NKD1: variants seen among roughly 807,000 people sequenced by gnomAD.
NKD1 encodes the protein protein naked cuticle homolog 1.
NKD1 carries 21 observed loss-of-function variants against 56.0 expected under a neutral mutation model. The ratio of observed to expected loss-of-function variants is 0.38; its 90% confidence interval spans 0.27 to 0.54. The LOEUF is 0.54. Among genes scored for constraint, NKD1 ranks in the 20% least tolerant of loss-of-function variants. The probability of loss-of-function intolerance (pLI) is 0.82; values close to 1 mark genes in which losing one functional copy is unlikely to be tolerated. For missense variants in NKD1, 578 were observed against 642.7 expected, an observed-to-expected ratio of 0.90 and a Z score of 1.09; for synonymous variants, 263 against 265.7, an observed-to-expected ratio of 0.99 and a Z score of 0.10.
intron 3 of NKD1, 25 bp from the exon 4 acceptor site, chr16:50,608,269 A>T (rs777526706): frequency 1.3e-6 from 2 of 1,582,294 alleles, no homozygotes; most frequent in Non-Finnish European, 1.7e-6. Context: ...CCCCTGCTCA[A>T]TGCCTCTGCT....
At chr16:50,608,595 T>C in intron 4 of NKD1, 1 of 581,146 alleles carries the variant, frequency 1.7e-6, no homozygotes, top group Non-Finnish European at 3.1e-6. Context: ...GTCCATGTCC[T>C]GGCCCTGCAC....
rs541858929 is a variant in NKD1 at position 50,574,839 on chromosome 16, C to G, written c.192+25284C>G. 3.9e-5 allele frequency: 38 copies of G among 985,382 alleles called. No homozygotes were observed. In the African/African-American group the frequency reaches 5.2e-4, roughly 14 times the overall value. The allele number at this position is 985,382 out of a possible 1,614,324, so 61.0% of individuals were successfully genotyped here. On this transcript the variant is annotated intron_variant, in intron 3 of 9. Coordinates refer to ENST00000268459, the MANE Select transcript of NKD1 (RefSeq NM_033119.5). ...AACAGTAAAACCAAATACATGAAAC[C>G]AAGCTGTTTCTATGTGGGGGCCATG...
chr16:50,619,940 C>G (rs1479056157), intron 4 of NKD1, among the ~76,000 whole-genome samples: 2 of 152,234 alleles, frequency 1.3e-5, no homozygotes, highest in Non-Finnish European at 2.9e-5. Context: ...GAGGGGCAGC[C>G]TAGTGGACTG....
chr16:50,630,593 A>G (rs1243718907), intron 7 of NKD1, among the ~76,000 whole-genome samples: 1 of 151,850 alleles, frequency 6.6e-6, no homozygotes, highest in East Asian at 1.9e-4. Flanking sequence ...TGGCGTCTGC[A>G]AGCCTTGAGG....
rs1793929113 is a variant in NKD1, at chr16:50,621,497, T to C, written c.260-105T>C. 6 of 742,574 alleles carry C rather than the reference T, an allele frequency of 8.1e-6. No individual in the cohort carries two copies. In the South Asian group the frequency reaches 1.1e-4, roughly 13 times the overall value. The allele number at this position is 742,574 out of a possible 1,614,324, so 46.0% of individuals were successfully genotyped here. A position where few individuals can be genotyped will look rare whatever the true frequency, so the allele number is the denominator to read the frequency against. ...CAGGGCAGGAGCGGGCCCAGCCCCC[T>C]GGCGAGAATGTCCAGGCCAGGCATG... On this transcript the variant is annotated intron_variant, in intron 4 of 9. Transcript: ENST00000268459.
In NKD1 at chr16:50,598,985, G is replaced by C. The variant is rs1596731619; in HGVS notation, c.193-9309G>C. 6.6e-6 allele frequency among the ~76,000 whole-genome samples: 1 copy of C among 152,142 alleles called. No homozygotes were observed. Among genetic ancestry groups the C allele is most frequent in the East Asian group, 1.9e-4 (1 of 5,150 alleles). On this transcript the variant is annotated intron_variant, in intron 3 of 9. Transcript: ENST00000268459. This position sits in a 1 kb window ranked among gnomAD's most constrained non-coding sequence, Gnocchi z 4.2. ...GGTGGGCAGTGGCTTAGAGAGGTCAGTGGTGGGTGGGAAGGCCGTGTGTGT... is the reference window on the plus strand; with the variant it reads ...GGTGGGCAGTGGCTTAGAGAGGTCACTGGTGGGTGGGAAGGCCGTGTGTGT...
At position 50,641,371 on chromosome 16, in the gene NKD1, G is replaced by A. The variant is rs1418880861; in HGVS notation, c.*7590G>A. 1 of 152,304 alleles carries A rather than the reference G, an allele frequency of 6.6e-6. No individual in the cohort carries two copies. Among genetic ancestry groups the A allele is most frequent in the Non-Finnish European group, 1.5e-5 (1 of 68,094 alleles). 9.4% of individuals were successfully genotyped at this position (152,304 alleles called of 1,614,324 possible). On this transcript the variant is annotated 3_prime_UTR_variant, in exon 10 of 10. Coordinates refer to ENST00000268459, the MANE Select transcript of NKD1 (RefSeq NM_033119.5). ...CCCTGCCCACTCTAAGCCTCCAGAAGTCAATCCTCTGCTCACCGGGACCGT... is the reference window on the plus strand; with the variant it reads ...CCCTGCCCACTCTAAGCCTCCAGAAATCAATCCTCTGCTCACCGGGACCGT...
At chr16:50,573,824 G>C (rs755296860) in intron 3 of NKD1, 36 of 985,278 alleles carry the variant, frequency 3.7e-5, no homozygotes, top group Non-Finnish European at 4.3e-5. Flanking sequence ...TCACGGAAAC[G>C]GGTTGGGCTG....
At chr16:50,585,455 C>T (rs909781969) in intron 3 of NKD1, among the ~76,000 whole-genome samples, 12 of 152,224 alleles carry the variant, frequency 7.9e-5, no homozygotes, top group South Asian at 4.1e-4. Context: ...CTGCTTTGGA[C>T]GTGCATCCTG....
intron 3 of NKD1, among the ~76,000 whole-genome samples, chr16:50,558,908 T>TCAAACAAACAAACAAA (rs3037656): frequency 1.3e-5 from 2 of 151,270 alleles, no homozygotes; most frequent in East Asian, 1.9e-4. Context: ...AAACTCTGTC[T>TCAAACAAACAAACAAA]CAAACAAACA....
At chr16:50,575,152 A>G in intron 3 of NKD1, 2 of 982,658 alleles carry the variant, frequency 2.0e-6, no homozygotes, top group Non-Finnish European at 2.4e-6. Context: ...TAGATTCTCT[A>G]CTGCCCTCCC....
intron 3 of NKD1, chr16:50,570,757 G>A: frequency 1.1e-6 from 1 of 952,052 alleles, no homozygotes; most frequent in African/African-American, 1.8e-5. Context: ...AACGGGGTAG[G>A]ACTTCCACTC....
At chr16:50,562,247 A>C (rs1469192871) in intron 3 of NKD1, 71 of 963,730 alleles carry the variant, frequency 7.4e-5, no homozygotes, top group Non-Finnish European at 8.3e-5. Flanking sequence ...ACTGCAAAAC[A>C]TTCATAGGCC....
rs5816707 is a variant in NKD1, at chr16:50,598,229, C to CTGTGTGTGTGTGTGTGTGTGTGTG, written c.193-10054_193-10031dup. 6.9e-6 allele frequency among the ~76,000 whole-genome samples: 1 copy of CTGTGTGTGTGTGTGTGTGTGTGTG among 143,958 alleles called. No homozygotes were observed. Among genetic ancestry groups the CTGTGTGTGTGTGTGTGTGTGTGTG allele is most frequent in the African/African-American group, 2.6e-5 (1 of 37,954 alleles). 94.4% of individuals were successfully genotyped at this position (143,958 alleles called of 152,430 possible). On this transcript the variant is annotated intron_variant, in intron 3 of 9. Coordinates refer to ENST00000268459, the MANE Select transcript of NKD1 (RefSeq NM_033119.5). This position sits in a 1 kb window ranked among gnomAD's most constrained non-coding sequence, Gnocchi z 4.2. ...CACTGCAGGGCCGCATGGGTGGACT[C>CTGTGTGTGTGTGTGTGTGTGTGTG]TGTGTGTGTGTGTGTGTGTGTGTGT...
Position 50,633,809 on chromosome 16 carries a change from A to G in NKD1, c.*28A>G. ...CCCCTCCCCAGGGCCCCACCCTGCCATATGAAGGACCCCACCCCCGACACC... is the reference window on the plus strand; with the variant it reads ...CCCCTCCCCAGGGCCCCACCCTGCCGTATGAAGGACCCCACCCCCGACACC... On this transcript the variant is annotated 3_prime_UTR_variant, in exon 10 of 10. Transcript: ENST00000268459. The surrounding 1 kb of genome is among the most constrained non-coding windows in gnomAD (Gnocchi z 4.9). 1.6e-6 allele frequency: 2 copies of G among 1,239,338 alleles called. No homozygotes were observed. Among genetic ancestry groups the G allele is most frequent in the Non-Finnish European group, 1.1e-6 (1 of 913,518 alleles). 76.8% of individuals were successfully genotyped at this position (1,239,338 alleles called of 1,614,324 possible).
chr16:50,636,546 C>A lies in NKD1; in HGVS notation c.*2765C>A, dbSNP rs1962472077. The A allele has an allele frequency of 6.6e-6, 1 of 152,194 alleles. No homozygotes were observed. The highest frequency in any genetic ancestry group is 6.5e-5 in the Admixed American group (1 of 15,280). 9.4% of individuals were successfully genotyped at this position (152,194 alleles called of 1,614,324 possible). A position where few individuals can be genotyped will look rare whatever the true frequency, so the allele number is the denominator to read the frequency against. On this transcript the variant is annotated 3_prime_UTR_variant, in exon 10 of 10. Transcript: ENST00000268459. The stretch of plus-strand genomic sequence containing the variant: ...CAGTGTAATGTAGGGGTTGTGAGCA[C>A]AGACTTTGGTGCCAGTTTGCTAGGT...
At chr16:50,582,147 C>A (rs1448559176) in intron 3 of NKD1, among the ~76,000 whole-genome samples, 1 of 152,168 alleles carries the variant, frequency 6.6e-6, no homozygotes, top group Non-Finnish European at 1.5e-5. Context: ...CATTGCCCGC[C>A]CAAGGATGTC....
rs1438276040 is a variant in NKD1 at position 50,625,319 on chromosome 16, C to T, written c.367-166C>T. On this transcript the variant is annotated intron_variant, in intron 5 of 9. Transcript: ENST00000268459. The stretch of plus-strand genomic sequence containing the variant: ...CCCTGCCCGGGCTCTGGCTGCCCTC[C>T]TGGGCCAGTTCTGTCTTGGCCAAAG... The T allele has an allele frequency of 1.1e-5, 7 of 618,338 alleles. No individual in the cohort carries two copies. In the East Asian group the frequency reaches 1.4e-4, roughly 12 times the overall value. The allele number at this position is 618,338 out of a possible 1,614,324, so 38.3% of individuals were successfully genotyped here. A position where few individuals can be genotyped will look rare whatever the true frequency, so the allele number is the denominator to read the frequency against.
intron 3 of NKD1, among the ~76,000 whole-genome samples, chr16:50,579,523 T>C (rs1961067489): frequency 8.3e-6 from 1 of 121,090 alleles, no homozygotes; most frequent in Non-Finnish European, 1.6e-5. Context: ...TGCACTGTCT[T>C]ACTCCTGCGG....
Sources: gnomAD v4.1 joint callset for allele counts (sites outside exome capture counted in the v4.1 genomes callset) on GRCh38, gnomAD v4.1.1 for gene constraint, Gnocchi (gnomAD v3.1) non-coding constraint, MANE v1.5 for transcripts, NCBI Gene and HGNC (gene_info 2026-07-23, HGNC 2026-07-21) for gene names.